Variants in ELAVL2 observed in about 807,000 individuals in gnomAD.
ELAVL2 encodes the protein ELAV-like protein 2.
In ELAVL2, 4 loss-of-function variants were observed where a neutral mutation model predicts 34.6. The observed-to-expected ratio is 0.12, with a 90% CI of 0.06 to 0.26. ELAVL2 has a LOEUF of 0.26. Among genes scored for constraint, ELAVL2 ranks in the 10% least tolerant of loss-of-function variants. The pLI is 1.00. For synonymous variants in ELAVL2, 193 were observed against 154.8 expected (o/e 1.25, Z -1.83); for missense variants, 432 against 442.8 (o/e 0.98, Z 0.22).
At chr9:23,727,532 C>T (rs139298125) in intron 3 of ELAVL2, among the ~76,000 whole-genome samples, 5 of 152,130 alleles carry the variant, frequency 3.3e-5, no homozygotes, top group African/African-American at 7.2e-5. Flanking sequence ...TATAGAGAAC[C>T]GCCAAACATC....
At chr9:23,709,122 T>C (rs766007214) in intron 3 of ELAVL2, among the ~76,000 whole-genome samples, 14 of 152,152 alleles carry the variant, frequency 9.2e-5, no homozygotes, top group Non-Finnish European at 1.5e-4. Flanking sequence ...GAAAGGGTAA[T>C]TGCCTTCTCC....
At chr9:23,812,419 C>A (rs1267143871) in intron 1 of ELAVL2, among the ~76,000 whole-genome samples, 2 of 152,032 alleles carry the variant, frequency 1.3e-5, no homozygotes, top group Admixed American at 6.6e-5. Flanking sequence ...ATTCTTATTG[C>A]ACAGTAGAAG....
intron 4 of ELAVL2, among the ~76,000 whole-genome samples, chr9:23,702,978 A>AAAAAAAAAAAAAAAAAAAG (rs2037966431): frequency 7.7e-6 from 1 of 129,238 alleles, no homozygotes; most frequent in Non-Finnish European, 1.6e-5. Context: ...AAAAAAAAAA[A>AAAAAAAAAAAAAAAAAAAG]AAACAGCCTC....
chr9:23,733,604 G>T (rs1449716395), intron 2 of ELAVL2, among the ~76,000 whole-genome samples: 1 of 152,258 alleles, frequency 6.6e-6, no homozygotes, highest in South Asian at 2.1e-4. Flanking sequence ...TTACTTCAAA[G>T]AAACAGTTTA....
intron 1 of ELAVL2, among the ~76,000 whole-genome samples, chr9:23,792,933 G>GT (rs2060495558): frequency 6.6e-6 from 1 of 151,852 alleles, no homozygotes. Context: ...ACCACACCCA[G>GT]TTATTTTTTA....
At chr9:23,777,785 T>A in intron 1 of ELAVL2, among the ~76,000 whole-genome samples, 1 of 152,198 alleles carries the variant, frequency 6.6e-6, no homozygotes, top group Non-Finnish European at 1.5e-5. Context: ...CAGTTAGTTC[T>A]CTTAAGTAAC....
intron 3 of ELAVL2, among the ~76,000 whole-genome samples, chr9:23,710,804 C>T (rs559886810): frequency 6.6e-6 from 1 of 152,074 alleles, no homozygotes; most frequent in Admixed American, 6.6e-5. Context: ...TAGCTCTAGG[C>T]TCTAAGTAAG....
intron 3 of ELAVL2, among the ~76,000 whole-genome samples, chr9:23,720,709 G>A (rs754459709): frequency 2.6e-5 from 4 of 151,570 alleles, no homozygotes; most frequent in African/African-American, 4.8e-5. Context: ...TGATGTAACC[G>A]ACAAATGAAA....
intron 2 of ELAVL2, among the ~76,000 whole-genome samples, chr9:23,760,071 A>G (rs1433792035): frequency 6.6e-6 from 1 of 151,850 alleles, no homozygotes; most frequent in Admixed American, 6.6e-5. Flanking sequence ...CTACCACACT[A>G]AAGTTAGAGA....
At chr9:23,723,972 A>G (rs960557590) in intron 3 of ELAVL2, among the ~76,000 whole-genome samples, 18 of 152,266 alleles carry the variant, frequency 1.2e-4, no homozygotes, top group Admixed American at 3.9e-4. Flanking sequence ...AGCAATACTC[A>G]CAAGGAGGCA....
At chr9:23,733,891 A>T (rs1274496626) in intron 2 of ELAVL2, among the ~76,000 whole-genome samples, 1 of 152,126 alleles carries the variant, frequency 6.6e-6, no homozygotes, top group Non-Finnish European at 1.5e-5. Context: ...TGATACCCTC[A>T]AGCAATCATG....
chr9:23,799,649 T>G (rs1188502138), intron 1 of ELAVL2, among the ~76,000 whole-genome samples: 1 of 152,118 alleles, frequency 6.6e-6, no homozygotes, highest in African/African-American at 2.4e-5. Flanking sequence ...GCCAACACCC[T>G]AGTTTGAAAG....
chr9:23,785,445 G>T (rs1369363740), intron 1 of ELAVL2, among the ~76,000 whole-genome samples: 2 of 152,164 alleles, frequency 1.3e-5, no homozygotes, highest in African/African-American at 4.8e-5. Flanking sequence ...AAGGACTTAG[G>T]ATCTTTTAGT....
intron 1 of ELAVL2, among the ~76,000 whole-genome samples, chr9:23,767,844 C>T (rs867913287): frequency 1.3e-5 from 2 of 152,060 alleles, no homozygotes; most frequent in African/African-American, 2.4e-5. Context: ...TATAATGTTG[C>T]GAGGAGGGAA....
In ELAVL2 at chr9:23,699,439, C is replaced by G. The variant is rs542487057; in HGVS notation, c.713+1940G>C. Among the ~76,000 whole-genome samples, 155 of 152,260 alleles carry G rather than the reference C, an allele frequency of 1.0e-3. No homozygotes were observed. The Middle Eastern group carries it at 0.014, about 13-fold the overall frequency. ...TGGAAAAAAAAAGTAGCTAATATAG[C>G]TTTCCACTAACAGCAAACATTTTAT... On this transcript the variant is annotated intron_variant, in intron 5 of 6. Transcript: ENST00000397312.
chr9:23,693,407 T>C (rs1255488167), intron 6 of ELAVL2, 41 bp downstream of exon 6: 1 of 1,611,938 alleles, frequency 6.2e-7, no homozygotes, highest in Non-Finnish European at 8.5e-7. Context: ...ACCAATCAAC[T>C]GTGGAAAGGG....
intron 3 of ELAVL2, among the ~76,000 whole-genome samples, chr9:23,721,309 T>G (rs2043652006): frequency 6.6e-6 from 1 of 152,212 alleles, no homozygotes; most frequent in Admixed American, 6.5e-5. Context: ...AGTTAGGAGC[T>G]TCTCTCAATG....
intron 1 of ELAVL2, chr9:23,765,155 A>G (rs2055944456): frequency 6.7e-7 from 1 of 1,490,520 alleles, no homozygotes; most frequent in Non-Finnish European, 9.1e-7. Flanking sequence ...AATGCAACAA[A>G]TCAGTTTGTA....
chr9:23,839,931 A>G, the ELAVL2 span, among the ~76,000 whole-genome samples: 6 of 152,160 alleles, frequency 3.9e-5, no homozygotes, highest in South Asian at 1.2e-3. Flanking sequence ...TAGGGTAATC[A>G]AAGCAGCAAA....
Sources: allele counts gnomAD v4.1 joint callset (sites outside exome capture counted in the v4.1 genomes callset), GRCh38; gene constraint gnomAD v4.1.1; transcripts MANE v1.5; gene names NCBI Gene and HGNC (gene_info 2026-07-23, HGNC 2026-07-21).